The following ANP32B variants were observed in gnomAD, a reference collection of about 807,000 sequenced individuals.
ANP32B encodes acidic nuclear phosphoprotein 32 family member B, also known as acidic leucine-rich nuclear phosphoprotein 32 family member B.
In ANP32B, 6 loss-of-function variants were observed where a neutral mutation model predicts 32.2. The ratio of observed to expected loss-of-function variants is 0.19; its 90% CI spans 0.10 to 0.37. The LOEUF (loss-of-function observed/expected upper bound fraction) is 0.37. Among genes scored for constraint, ANP32B ranks in the 10% least tolerant of loss-of-function variants. The pLI is 1.00. For missense variants in ANP32B, 204 were observed against 289.2 expected, an observed-to-expected ratio of 0.71 and a Z score of 2.14; for synonymous variants, 98 against 105.8, an observed-to-expected ratio of 0.93 and a Z score of 0.45.
chr9:97,998,513 CTG>C (rs1255004587), intron 2 of ANP32B, 41 bp from the exon 3 acceptor site: 2 of 1,552,532 alleles, frequency 1.3e-6, no homozygotes. Flanking sequence ...TTCTGTTTCT[CTG>C]TGTGTATTTG....
At chr9:98,015,247 A>C in intron 6 of ANP32B, 117 bp from the exon 7 acceptor site, 1 of 1,438,818 alleles carries the variant, frequency 7.0e-7, no homozygotes, top group South Asian at 1.4e-5. Flanking sequence ...AATCTGATCA[A>C]GTTTACATTG....
intron 2 of ANP32B, among the ~76,000 whole-genome samples, chr9:97,997,048 G>A (rs536022888): frequency 6.6e-6 from 1 of 152,260 alleles, no homozygotes; most frequent in East Asian, 1.9e-4. Flanking sequence ...AGATTGCCTT[G>A]TTATTCCTAC....
chr9:97,985,074 C>CCA (rs1827691722), intron 1 of ANP32B, among the ~76,000 whole-genome samples: 1 of 150,240 alleles, frequency 6.7e-6, no homozygotes, highest in African/African-American at 2.4e-5. Flanking sequence ...GAGCCCCCCC[C>CCA]CCGCCGCGGA....
At chr9:97,995,719 G>A (rs574463209) in intron 2 of ANP32B, among the ~76,000 whole-genome samples, 2 of 151,982 alleles carry the variant, frequency 1.3e-5, no homozygotes, top group East Asian at 3.9e-4. Context: ...TCAGGAGTTC[G>A]AGACCAGCCT....
At chr9:97,990,119 C>T (rs543152863) in intron 1 of ANP32B, among the ~76,000 whole-genome samples, 2 of 152,290 alleles carry the variant, frequency 1.3e-5, no homozygotes, top group East Asian at 3.9e-4. Context: ...TTTGTGTTCC[C>T]TAAAGAAATC....
intron 6 of ANP32B, among the ~76,000 whole-genome samples, chr9:98,012,768 T>C (rs536669227): frequency 6.6e-6 from 1 of 152,308 alleles, no homozygotes; most frequent in East Asian, 1.9e-4. Flanking sequence ...TCTCGCTCTG[T>C]TGCCCAGGCT....
chr9:98,006,227 A>T (rs765899491), intron 4 of ANP32B, among the ~76,000 whole-genome samples: 3 of 152,126 alleles, frequency 2.0e-5, no homozygotes, highest in African/African-American at 7.2e-5. Flanking sequence ...AGACTCATCA[A>T]CCCCTATCTG....
chr9:97,983,932 G>A (rs1329020673), intron 1 of ANP32B, among the ~76,000 whole-genome samples: 2 of 151,898 alleles, frequency 1.3e-5, no homozygotes, highest in Non-Finnish European at 2.9e-5. Context: ...GGCGGGGGTT[G>A]TGTAACGCTG....
intron 3 of ANP32B, among the ~76,000 whole-genome samples, chr9:98,003,643 G>T (rs1439053941): frequency 6.6e-6 from 1 of 152,138 alleles, no homozygotes; most frequent in Non-Finnish European, 1.5e-5. Context: ...TGAAAATAAG[G>T]TTTTGTTTTG....
At chr9:97,989,687 C>T (rs1177812978) in intron 1 of ANP32B, among the ~76,000 whole-genome samples, 1 of 152,070 alleles carries the variant, frequency 6.6e-6, no homozygotes, top group African/African-American at 2.4e-5. Context: ...ATCATCTTGA[C>T]CCCAGCTCCA....
intron 4 of ANP32B, among the ~76,000 whole-genome samples, chr9:98,011,023 C>A (rs567966738): frequency 6.6e-6 from 1 of 152,142 alleles, no homozygotes; most frequent in Admixed American, 6.6e-5. Flanking sequence ...TGAAGCAAAT[C>A]TTAGCCATTG....
intron 1 of ANP32B, among the ~76,000 whole-genome samples, chr9:97,988,145 G>GA (rs923931971): frequency 3.3e-5 from 5 of 149,344 alleles, no homozygotes; most frequent in Admixed American, 6.6e-5. Flanking sequence ...TTTTTTTTTA[G>GA]AAAAAAAATA....
intron 4 of ANP32B, among the ~76,000 whole-genome samples, chr9:98,009,506 C>T (rs1828143915): frequency 6.6e-6 from 1 of 152,230 alleles, no homozygotes. Context: ...AACGGTTCCA[C>T]CTTAGATCAG....
intron 1 of ANP32B, among the ~76,000 whole-genome samples, chr9:97,985,898 C>CTCAGCCTCCGCTTACCGG (rs994897113): frequency 2.0e-5 from 3 of 152,130 alleles, no homozygotes; most frequent in African/African-American, 7.2e-5. Context: ...CTCGGCTCAC[C>CTCAGCCTCCGCTTACCGG]TCAGCCTCCG....
In ANP32B at chr9:97,994,755, T is replaced by A; in HGVS notation, c.179T>A (p.Leu60His). ...GTAGGCTTGATCTCAGTTTCAAATCTCCCCAAGCTGCCTAAATTGAAAAAG... is the reference window on the plus strand; with the variant it reads ...GTAGGCTTGATCTCAGTTTCAAATCACCCCAAGCTGCCTAAATTGAAAAAG... ...INVGLISVSN[L>H]PKLPKLKKLE... Residue 60 changes from leucine to histidine, a missense_variant, in exon 2 of 7, where the codon CTC (leucine) becomes CAC (histidine). Transcript: ENST00000339399. 1 of 1,598,748 alleles carries A rather than the reference T, an allele frequency of 6.3e-7. No individual in the cohort carries two copies. The highest frequency in any genetic ancestry group is 2.2e-5 in the East Asian group (1 of 44,676).
intron 4 of ANP32B, 41 bp downstream of exon 4, chr9:98,005,194 T>TCAAAGCCTC: frequency 6.3e-7 from 1 of 1,587,360 alleles, no homozygotes; most frequent in Non-Finnish European, 8.6e-7. Context: ...TGTCTGCCTT[T>TCAAAGCCTC]CAAAGCCTCT....
At chr9:97,991,323 C>T (rs1827822354) in intron 1 of ANP32B, among the ~76,000 whole-genome samples, 1 of 152,012 alleles carries the variant, frequency 6.6e-6, no homozygotes, top group African/African-American at 2.4e-5. Context: ...CTATGTTGCC[C>T]AGGTGACTCT....
rs561290011 is a variant in ANP32B, at chr9:97,983,623, C to T, written c.54+14C>T. 3 of 1,552,552 alleles carry T rather than the reference C, an allele frequency of 1.9e-6. No homozygotes were observed. Among genetic ancestry groups the T allele is most frequent in the East Asian group, 2.5e-5 (1 of 40,004 alleles). ...ACCCCGGCAGCTGTAAGCAGAGACC[C>T]CTCTGGGTGCCCTCTCCCCCGATGA... is the stretch of plus-strand genomic sequence containing the variant. On this transcript the variant is annotated intron_variant, in intron 1 of 6. Coordinates refer to ENST00000339399, the MANE Select transcript of ANP32B (RefSeq NM_006401.3).
intron 2 of ANP32B, among the ~76,000 whole-genome samples, chr9:97,995,120 A>C (rs992641358): frequency 6.6e-6 from 1 of 152,244 alleles, no homozygotes. Context: ...ATTGTTATAA[A>C]AACAATTCTC....
Sources: allele counts gnomAD v4.1 joint callset (sites outside exome capture counted in the v4.1 genomes callset), GRCh38; gene constraint gnomAD v4.1.1; transcripts MANE v1.5; gene names NCBI Gene and HGNC (gene_info 2026-07-23, HGNC 2026-07-21).